PDE8B: variants seen among roughly 807,000 people sequenced by gnomAD.
The protein encoded by PDE8B is high affinity cAMP-specific and IBMX-insensitive 3',5'-cyclic phosphodiesterase 8B.
A neutral mutation model predicts 101.3 loss-of-function variants in PDE8B; 26 were observed. The ratio of observed to expected loss-of-function variants is 0.26; its 90% CI spans 0.19 to 0.36. PDE8B has a LOEUF of 0.36. PDE8B is among the 10% of genes least tolerant of loss of function. The pLI, the probability that PDE8B is intolerant of heterozygous loss-of-function variation, is 1.00. For synonymous variants in PDE8B, 424 were observed against 429.3 expected, an observed-to-expected ratio of 0.99 and a Z score of 0.15; for missense variants, 810 against 1,163.1, an observed-to-expected ratio of 0.70 and a Z score of 4.42.
chr5:77,420,270 G>A (rs1167274928), intron 19 of PDE8B, among the ~76,000 whole-genome samples: 1 of 152,062 alleles, frequency 6.6e-6, no homozygotes, highest in African/African-American at 2.4e-5. Flanking sequence ...AAAAAACAAA[G>A]AATGTTCCTG....
At chr5:77,354,253 G>A (rs1180584469) in intron 10 of PDE8B, among the ~76,000 whole-genome samples, 1 of 152,176 alleles carries the variant, frequency 6.6e-6, no homozygotes, top group Non-Finnish European at 1.5e-5. Context: ...AGACAGTGGG[G>A]TGAGCCCAGT....
At chr5:77,208,529 G>A (rs1747690314), upstream of PDE8B, among the ~76,000 whole-genome samples, 1 of 152,220 alleles carries the variant, frequency 6.6e-6, no homozygotes, top group African/African-American at 2.4e-5. Flanking sequence ...TGGAAGTAGA[G>A]CAGATGGTTG....
At chr5:77,331,644 G>A (rs1777156518) in intron 5 of PDE8B, among the ~76,000 whole-genome samples, 185 bp downstream of exon 5, 1 of 152,116 alleles carries the variant, frequency 6.6e-6, no homozygotes, top group Non-Finnish European at 1.5e-5. Flanking sequence ...AGCTCTTTGC[G>A]TTTTTGCTCT....
At chr5:77,216,125 C>G (rs546513703) in intron 1 of PDE8B, among the ~76,000 whole-genome samples, 3 of 152,150 alleles carry the variant, frequency 2.0e-5, no homozygotes, top group African/African-American at 7.2e-5. Flanking sequence ...AGGGTTAACT[C>G]AGAATAATCA....
the PDE8B span, among the ~76,000 whole-genome samples, chr5:77,198,443 C>A: frequency 0.13 from 20,279 of 152,080 alleles, 1,702 homozygotes; most frequent in East Asian, 0.4. Context: ...TTCCTTCTTT[C>A]TGAAATACTG....
chr5:77,373,622 T>A lies in PDE8B; in HGVS notation c.1167+20216T>A, dbSNP rs184092414. ...TACTCCTTTTTGTGACATCTTTCAC[T>A]AAGCATACTAATTCTGAGATTCACC... On this transcript the variant is annotated intron_variant, in intron 10 of 21. Transcript: ENST00000264917. 2.4e-3 allele frequency among the ~76,000 whole-genome samples: 368 copies of A among 152,358 alleles called. 2 individuals are homozygous for A. Among genetic ancestry groups the A allele is most frequent in the Middle Eastern group, 0.014 (4 of 294 alleles).
intron 7 of PDE8B, among the ~76,000 whole-genome samples, 186 bp downstream of exon 7, chr5:77,345,117 A>T (rs1246138241): frequency 6.6e-6 from 1 of 152,222 alleles, no homozygotes; most frequent in Non-Finnish European, 1.5e-5. Context: ...AAGAACAAAA[A>T]ATTATTACTT....
the PDE8B span, among the ~76,000 whole-genome samples, chr5:77,091,024 T>C: frequency 6.6e-6 from 1 of 152,212 alleles, no homozygotes; most frequent in Admixed American, 6.5e-5. Context: ...CCAATTGACA[T>C]TTCCACCAAT....
intron 1 of PDE8B, among the ~76,000 whole-genome samples, chr5:77,239,897 C>A (rs1755401956): frequency 6.6e-6 from 1 of 152,026 alleles, no homozygotes; most frequent in Non-Finnish European, 1.5e-5. Context: ...CCATTATCCC[C>A]TGGGAACACA....
chr5:77,314,207 T>A (rs1773298213), intron 2 of PDE8B, among the ~76,000 whole-genome samples: 1 of 152,148 alleles, frequency 6.6e-6, no homozygotes, highest in Admixed American at 6.5e-5. Context: ...AATGTGAGGA[T>A]TTACTTTTGG....
intron 1 of PDE8B, chr5:77,291,667 C>A (rs575279862): frequency 2.5e-6 from 4 of 1,596,020 alleles, no homozygotes; most frequent in African/African-American, 2.7e-5. Context: ...ATTGGAGGTG[C>A]CTTTGGAGGA....
chr5:77,265,109 C>T (rs1016865283), intron 1 of PDE8B, among the ~76,000 whole-genome samples: 5 of 152,108 alleles, frequency 3.3e-5, no homozygotes, highest in African/African-American at 1.2e-4. Flanking sequence ...AGTCTCTAGC[C>T]CTCCACCCTA....
the PDE8B span, among the ~76,000 whole-genome samples, chr5:77,185,236 A>T: frequency 6.6e-6 from 1 of 152,234 alleles, no homozygotes; most frequent in Non-Finnish European, 1.5e-5. Flanking sequence ...GAGCTGCCAT[A>T]ATAAAGTACT....
chr5:77,384,535 A>C (rs747261694), intron 10 of PDE8B, among the ~76,000 whole-genome samples: 2 of 152,180 alleles, frequency 1.3e-5, no homozygotes, highest in Non-Finnish European at 2.9e-5. Context: ...GAGAGAGGGC[A>C]TCCTTGTCTT....
At chr5:77,088,257 T>G in the PDE8B span, 1 of 152,456 alleles carries the variant, frequency 6.6e-6, no homozygotes, top group African/African-American at 2.4e-5. Context: ...CCCACGGCAG[T>G]GTCCAGGGGC....
chr5:77,407,307 G>A (rs957938955), intron 12 of PDE8B, 74 bp from the exon 13 acceptor site: 7 of 1,116,484 alleles, frequency 6.3e-6, no homozygotes, highest in Non-Finnish European at 9.6e-6. Context: ...CCTGGTCCAT[G>A]AAGGGACTCC....
chr5:77,368,381 G>A (rs1394015460), intron 10 of PDE8B, among the ~76,000 whole-genome samples: 1 of 152,154 alleles, frequency 6.6e-6, no homozygotes, highest in Admixed American at 6.5e-5. Flanking sequence ...CGTGACTCCT[G>A]TGGAGCCTGC....
the PDE8B span, among the ~76,000 whole-genome samples, chr5:77,191,070 G>A: frequency 6.6e-6 from 1 of 152,146 alleles, no homozygotes; most frequent in Non-Finnish European, 1.5e-5. Context: ...TTTTCTTGCT[G>A]TGTCCTCACA....
At chr5:77,133,099 A>G in the PDE8B span, among the ~76,000 whole-genome samples, 15 of 152,316 alleles carry the variant, frequency 9.8e-5, no homozygotes, top group Non-Finnish European at 2.2e-4. Context: ...CAAAATATTC[A>G]CTTTTCTCCC....
Sources: gnomAD v4.1 joint callset for allele counts (sites outside exome capture counted in the v4.1 genomes callset) on GRCh38, gnomAD v4.1.1 for gene constraint, MANE v1.5 for transcripts, NCBI Gene and HGNC (gene_info 2026-07-23, HGNC 2026-07-21) for gene names.